The following SORCS2 variants were observed in gnomAD, a reference collection of about 807,000 sequenced individuals.
SORCS2 encodes the protein sortilin related VPS10 domain containing receptor 2, also known as VPS10 domain-containing receptor SorCS2.
Under a neutral mutation model 141.6 loss-of-function variants are expected in SORCS2, and 100 were observed. That is an observed-to-expected ratio of 0.71 (90% CI 0.60 to 0.83). SORCS2 has a LOEUF of 0.83. SORCS2 is among the 40% of genes least tolerant of loss of function. The pLI, the probability that SORCS2 is intolerant of heterozygous loss-of-function variation, is 0.00. For missense variants in SORCS2, 1,646 were observed against 1,560.2 expected (o/e 1.05, Z -0.93); for synonymous variants, 789 against 676.9 (o/e 1.17, Z -2.57).
chr4:7,501,963 TG>T (rs1191428023), intron 2 of SORCS2, among the ~76,000 whole-genome samples: 2 of 152,220 alleles, frequency 1.3e-5, no homozygotes, highest in African/African-American at 2.4e-5. Flanking sequence ...TGCAGACTTG[TG>T]GGCGCACTCC....
chr4:7,268,104 T>C (rs1253648029), intron 1 of SORCS2, among the ~76,000 whole-genome samples: 1 of 152,198 alleles, frequency 6.6e-6, no homozygotes, highest in Admixed American at 6.5e-5. Context: ...CCCGGGCCCC[T>C]GGAGCTCCCT....
At chr4:7,368,440 G>T (rs1299223807) in intron 1 of SORCS2, among the ~76,000 whole-genome samples, 1 of 152,176 alleles carries the variant, frequency 6.6e-6, no homozygotes, top group Non-Finnish European at 1.5e-5. Context: ...GCCCGGACCT[G>T]CTGCCTGCCG....
chr4:7,405,549 A>G (rs1724914126), intron 2 of SORCS2, among the ~76,000 whole-genome samples: 1 of 152,040 alleles, frequency 6.6e-6, no homozygotes, highest in Admixed American at 6.5e-5. Context: ...TTTTCCTTGT[A>G]GAGATCTTTC....
chr4:7,476,556 A>G (rs746919775), intron 2 of SORCS2, among the ~76,000 whole-genome samples: 7 of 151,874 alleles, frequency 4.6e-5, no homozygotes, highest in Non-Finnish European at 1.0e-4. Context: ...AGGTTGACAC[A>G]TAAAACCTGT....
chr4:7,366,355 G>A (rs183982378), intron 1 of SORCS2, among the ~76,000 whole-genome samples: 3 of 151,918 alleles, frequency 2.0e-5, no homozygotes, highest in Non-Finnish European at 4.4e-5. Flanking sequence ...GCTGCAGCAG[G>A]GTCGAGTTCC....
At chr4:7,383,004 C>T (rs1187756184) in intron 1 of SORCS2, among the ~76,000 whole-genome samples, 1 of 152,140 alleles carries the variant, frequency 6.6e-6, no homozygotes, top group Non-Finnish European at 1.5e-5. Flanking sequence ...CCAACACAGC[C>T]ATAAAATACA....
Position 7,373,481 on chromosome 4 carries a change from T to TATAA in SORCS2, c.481-22807_481-22806insATAA, listed in dbSNP as rs57125960. On this transcript the variant is annotated intron_variant, in intron 1 of 26. Transcript: ENST00000507866. ...TTTTATATATATATATATATATATT[T>TATAA]TTTTTTTTTTTTTTTTTTTTTTTTT... Among the ~76,000 whole-genome samples the TATAA allele has an allele frequency of 6.9e-3, 205 of 29,884 alleles. 11 individuals are homozygous for TATAA. Among genetic ancestry groups the TATAA allele is most frequent in the African/African-American group, 0.016 (186 of 11,776 alleles). The allele number at this position is 29,884 out of a possible 152,430, so 19.6% of individuals were successfully genotyped here. A position where few individuals can be genotyped will look rare whatever the true frequency, so the allele number is the denominator to read the frequency against.
rs758197781 is a variant in SORCS2 at position 7,328,049 on chromosome 4, C to T, written c.481-68239C>T. 6.3e-4 allele frequency among the ~76,000 whole-genome samples: 78 copies of T among 124,026 alleles called. 1 individual carries two copies. The highest frequency in any genetic ancestry group is 9.6e-4 in the Admixed American group (11 of 11,428). 81.4% of individuals were successfully genotyped at this position (124,026 alleles called of 152,430 possible). A position where few individuals can be genotyped will look rare whatever the true frequency, so the allele number is the denominator to read the frequency against. ...TTTTTTTTTTTTTTTTTTTTGAGAC[C>T]AAGTCTTGCTCTATCACCCAGGCTG... On this transcript the variant is annotated intron_variant, in intron 1 of 26. Transcript: ENST00000507866.
At position 7,193,167 on chromosome 4, in the gene SORCS2, A is replaced by C. The variant is rs1726953803; in HGVS notation, c.480+41A>C. 6.9e-7 allele frequency: 1 copy of C among 1,446,402 alleles called. No homozygotes were observed. The highest frequency in any genetic ancestry group is 2.5e-5 in the Admixed American group (1 of 40,566). 89.6% of individuals were successfully genotyped at this position (1,446,402 alleles called of 1,614,324 possible). A position where few individuals can be genotyped will look rare whatever the true frequency, so the allele number is the denominator to read the frequency against. On this transcript the variant is annotated intron_variant, in intron 1 of 26. Coordinates refer to ENST00000507866, the MANE Select transcript of SORCS2 (RefSeq NM_020777.3). The surrounding 1 kb of genome is among the most constrained non-coding windows in gnomAD (Gnocchi z 4.8). ...GCGCTCGCCGCGGCCCCTACCCGGG[A>C]CACCGCGGGACACCCGGGCGGGACC...
At chr4:7,426,292 G>A (rs890007949) in intron 2 of SORCS2, among the ~76,000 whole-genome samples, 4 of 35,688 alleles carry the variant, frequency 1.1e-4, no homozygotes, top group Non-Finnish European at 2.5e-4. Context: ...GGGGCTGGTG[G>A]CTTTGAGCCA....
intron 1 of SORCS2, among the ~76,000 whole-genome samples, chr4:7,351,501 C>G (rs1426897641): frequency 6.6e-6 from 1 of 152,204 alleles, no homozygotes; most frequent in East Asian, 1.9e-4. Flanking sequence ...TGGCTTATCT[C>G]TGTCCATCTG....
chr4:7,553,220 T>C (rs1345289317), intron 3 of SORCS2, among the ~76,000 whole-genome samples: 3 of 151,642 alleles, frequency 2.0e-5, no homozygotes, highest in African/African-American at 2.4e-5. Flanking sequence ...GTGTGGGTGG[T>C]GGGGTGGTCA....
At chr4:7,519,594 G>A (rs540348122) in intron 2 of SORCS2, among the ~76,000 whole-genome samples, 5 of 152,190 alleles carry the variant, frequency 3.3e-5, no homozygotes, top group African/African-American at 7.2e-5. Flanking sequence ...ACCTTCCAGC[G>A]CTGCTGCCTG....
chr4:7,702,187 T>C (rs1399946695), intron 12 of SORCS2, among the ~76,000 whole-genome samples: 1 of 151,400 alleles, frequency 6.6e-6, no homozygotes, highest in Non-Finnish European at 1.5e-5. Context: ...TGTCCCCTCC[T>C]GGGCTTTCCT....
chr4:7,657,161 C>T (rs76118540), intron 5 of SORCS2, among the ~76,000 whole-genome samples: 2,358 of 152,318 alleles, frequency 0.015, 69 homozygotes, highest in African/African-American at 0.054. Flanking sequence ...CCAGGGCCTT[C>T]GCCAGTACAC....
chr4:7,519,195 C>T (rs1005451137), intron 2 of SORCS2, among the ~76,000 whole-genome samples: 2 of 152,132 alleles, frequency 1.3e-5, no homozygotes, highest in African/African-American at 4.8e-5. Context: ...GTGCCGGGAG[C>T]ATGACCAGGG....
chr4:7,277,761 G>A (rs1024066092), intron 1 of SORCS2, among the ~76,000 whole-genome samples: 7 of 152,178 alleles, frequency 4.6e-5, no homozygotes, highest in Admixed American at 3.3e-4. Context: ...GAGCCAGCCT[G>A]CCTACCGTGC....
At chr4:7,722,603 C>T (rs551507648) in intron 18 of SORCS2, among the ~76,000 whole-genome samples, 12 of 152,184 alleles carry the variant, frequency 7.9e-5, no homozygotes, top group Non-Finnish European at 1.8e-4. Context: ...CCAAATCTCC[C>T]TCTCCTTTCT....
At position 7,473,174 on chromosome 4, in the gene SORCS2, A is replaced by C. The variant is rs1577621994; in HGVS notation, c.549-58356A>C. ...TGACCAAACATCAGAAACTGCTTCC[A>C]GAACAAACATCCCATCAATAAAACA... On this transcript the variant is annotated intron_variant, in intron 2 of 26. Coordinates refer to ENST00000507866, the MANE Select transcript of SORCS2 (RefSeq NM_020777.3). Among the ~76,000 whole-genome samples the C allele has an allele frequency of 3.9e-5, 6 of 152,360 alleles. 1 individual carries two copies. Among genetic ancestry groups the C allele is most frequent in the Admixed American group, 3.9e-4 (6 of 15,310 alleles).
Sources: gnomAD v4.1 joint callset for allele counts (sites outside exome capture counted in the v4.1 genomes callset) on GRCh38, gnomAD v4.1.1 for gene constraint, Gnocchi (gnomAD v3.1) non-coding constraint, MANE v1.5 for transcripts, NCBI Gene and HGNC (gene_info 2026-07-23, HGNC 2026-07-21) for gene names.